ROBO2: variants seen among roughly 807,000 people sequenced by gnomAD.
The protein encoded by ROBO2 is roundabout guidance receptor 2, also known as roundabout homolog 2.
In ROBO2, 53 loss-of-function variants were observed where a neutral mutation model predicts 160.8. The observed-to-expected ratio is 0.33, with a 90% CI of 0.26 to 0.41. The LOEUF is 0.41. Ranked by LOEUF, ROBO2 falls within the 10% of genes least tolerant of loss-of-function variation. The pLI is 1.00. For synonymous variants in ROBO2, 664 were observed against 611.7 expected, an observed-to-expected ratio of 1.09 and a Z score of -1.26; for missense variants, 1,577 against 1,722.4, an observed-to-expected ratio of 0.92 and a Z score of 1.49.
chr3:77,388,855 T>C (rs1364771878), intron 2 of ROBO2, among the ~76,000 whole-genome samples: 1 of 152,244 alleles, frequency 6.6e-6, no homozygotes, highest in Admixed American at 6.5e-5. Flanking sequence ...AATTTTTAAA[T>C]AGAGACAAGA....
chr3:76,194,350 GTAAATATATATATATATATATATA>G (rs1233261776), intron 2 of ROBO2, among the ~76,000 whole-genome samples: 1 of 42,058 alleles, frequency 2.4e-5, no homozygotes. Flanking sequence ...TGTATGGTGT[GTAAATATATATATATATATATATA>G]TATATATATA....
intron 2 of ROBO2, among the ~76,000 whole-genome samples, chr3:76,499,907 C>A (rs2080367299): frequency 6.6e-6 from 1 of 151,694 alleles, no homozygotes. Flanking sequence ...TGCTGATATA[C>A]AAATAAGTAG....
chr3:76,049,403 A>ATATATATATATATTTTTTTTTTTTTT (rs1414664360), intron 2 of ROBO2, among the ~76,000 whole-genome samples: 1 of 53,762 alleles, frequency 1.9e-5, no homozygotes, highest in African/African-American at 1.5e-4. Context: ...ATATATATAT[A>ATATATATATATATTTTTTTTTTTTTT]TTTTTTTTTT....
At chr3:76,793,617 A>T (rs981754574) in intron 2 of ROBO2, among the ~76,000 whole-genome samples, 3 of 151,840 alleles carry the variant, frequency 2.0e-5, no homozygotes, top group Non-Finnish European at 4.4e-5. Flanking sequence ...TTATTATTAT[A>T]CTGTAAGTTT....
At chr3:76,679,330 T>C (rs1200747447) in intron 2 of ROBO2, among the ~76,000 whole-genome samples, 1 of 152,152 alleles carries the variant, frequency 6.6e-6, no homozygotes, top group African/African-American at 2.4e-5. Flanking sequence ...TTTTATCTTA[T>C]AAGATCTTAT....
chr3:77,611,125 C>T (rs574885661), intron 21 of ROBO2, among the ~76,000 whole-genome samples: 1 of 151,896 alleles, frequency 6.6e-6, no homozygotes, highest in South Asian at 2.1e-4. Flanking sequence ...GGTGAAACCC[C>T]GTCTCTACTA....
intron 2 of ROBO2, among the ~76,000 whole-genome samples, chr3:76,998,925 A>G (rs1286905378): frequency 6.6e-6 from 1 of 152,148 alleles, no homozygotes; most frequent in Non-Finnish European, 1.5e-5. Flanking sequence ...ATATCTACTT[A>G]CTGAAGCAGA....
chr3:76,232,964 C>T (rs1704711557), intron 2 of ROBO2, among the ~76,000 whole-genome samples: 1 of 152,152 alleles, frequency 6.6e-6, no homozygotes, highest in African/African-American at 2.4e-5. Context: ...CGCACCGTCA[C>T]TCTCTTTCTA....
chr3:77,543,655 A>G (rs2092577103), intron 6 of ROBO2, among the ~76,000 whole-genome samples: 1 of 152,194 alleles, frequency 6.6e-6, no homozygotes, highest in Non-Finnish European at 1.5e-5. Flanking sequence ...GAAGAATAAT[A>G]TGCTTAAAAC....
chr3:76,357,503 T>C (rs1318327831), intron 2 of ROBO2, among the ~76,000 whole-genome samples: 1 of 152,016 alleles, frequency 6.6e-6, no homozygotes, highest in Non-Finnish European at 1.5e-5. Flanking sequence ...ACAAATCTAG[T>C]GATACAAATC....
chr3:77,348,009 C>A (rs965973647), intron 2 of ROBO2, among the ~76,000 whole-genome samples: 11 of 152,118 alleles, frequency 7.2e-5, no homozygotes, highest in African/African-American at 2.4e-4. Flanking sequence ...CCACACTTTT[C>A]TGCTCAACTA....
chr3:77,295,100 G>A (rs1280063116), intron 2 of ROBO2, among the ~76,000 whole-genome samples: 4 of 149,322 alleles, frequency 2.7e-5, no homozygotes, highest in Admixed American at 6.7e-5. Flanking sequence ...TAAATTTGAC[G>A]GTTAAAAAGG....
chr3:76,417,541 T>C (rs2075804288), intron 2 of ROBO2, among the ~76,000 whole-genome samples: 2 of 152,150 alleles, frequency 1.3e-5, no homozygotes, highest in Middle Eastern at 3.4e-3. Context: ...AGTTAAAATA[T>C]TGAGGAAAAA....
intron 2 of ROBO2, among the ~76,000 whole-genome samples, chr3:76,122,692 T>C (rs569767077): frequency 3.9e-5 from 6 of 152,274 alleles, no homozygotes; most frequent in Middle Eastern, 3.4e-3. Context: ...CTTTTTACTT[T>C]TCACAGATAC....
chr3:76,619,918 C>T (rs1278317406), intron 2 of ROBO2, among the ~76,000 whole-genome samples: 1 of 151,784 alleles, frequency 6.6e-6, no homozygotes, highest in Non-Finnish European at 1.5e-5. Context: ...TTAATTCAGC[C>T]CAGGTAAAAC....
Position 75,995,603 on chromosome 3 carries a change from C to G in ROBO2, c.109+58001C>G, listed in dbSNP as rs150288481. On this transcript the variant is annotated intron_variant, in intron 2 of 26. Transcript: ENST00000487694. Reference sequence around the variant, plus strand: ...GGGGTTGGAGCTCCCACAGAGAGTCCCTACTGGTGCACTGCCTAGTGGAGC... The same window carrying G: ...GGGGTTGGAGCTCCCACAGAGAGTCGCTACTGGTGCACTGCCTAGTGGAGC... Among the ~76,000 whole-genome samples, 3 of 152,154 alleles carry G rather than the reference C, an allele frequency of 2.0e-5. No homozygotes were observed. In the East Asian group the frequency reaches 5.8e-4, roughly 30 times the overall value.
chr3:76,906,760 T>C (rs535495656), intron 2 of ROBO2, among the ~76,000 whole-genome samples: 135 of 152,244 alleles, frequency 8.9e-4, no homozygotes, highest in African/African-American at 3.2e-3. Flanking sequence ...CAGTCTCTAT[T>C]ATTATAATTT....
At chr3:77,021,162 T>C (rs2062608446) in intron 2 of ROBO2, among the ~76,000 whole-genome samples, 1 of 151,996 alleles carries the variant, frequency 6.6e-6, no homozygotes, top group Non-Finnish European at 1.5e-5. Flanking sequence ...AACTGCACCA[T>C]TGCACTATAG....
intron 19 of ROBO2, among the ~76,000 whole-genome samples, chr3:77,599,082 TATCTC>T (rs2094376329): frequency 6.6e-6 from 1 of 152,146 alleles, no homozygotes; most frequent in Non-Finnish European, 1.5e-5. Flanking sequence ...TGATGTGAAA[TATCTC>T]ATAGATGAAC....
Sources: gnomAD v4.1 joint callset for allele counts (sites outside exome capture counted in the v4.1 genomes callset) on GRCh38, gnomAD v4.1.1 for gene constraint, MANE v1.5 for transcripts, NCBI Gene and HGNC (gene_info 2026-07-23, HGNC 2026-07-21) for gene names.